Variants in TNFRSF11B observed in about 807,000 individuals in gnomAD.
TNFRSF11B encodes the protein TNF receptor superfamily member 11b.
TNFRSF11B carries 16 observed loss-of-function variants against 43.4 expected under a neutral mutation model. The observed-to-expected ratio is 0.37, with a 90% CI of 0.25 to 0.56. The LOEUF is 0.56. Among genes scored for constraint, TNFRSF11B ranks in the 20% least tolerant of loss-of-function variants. The probability of loss-of-function intolerance (pLI) is 0.80; values close to 1 mark genes in which losing one functional copy is unlikely to be tolerated. For synonymous variants in TNFRSF11B, 185 were observed against 181.8 expected (o/e 1.02, Z -0.14); for missense variants, 444 against 490.1 (o/e 0.91, Z 0.89).
chr8:118,931,240 A>G (rs1812324304), intron 2 of TNFRSF11B, among the ~76,000 whole-genome samples: 1 of 151,962 alleles, frequency 6.6e-6, no homozygotes, highest in African/African-American at 2.4e-5. Flanking sequence ...TGGGCTGGAA[A>G]CCTCTTATTT....
intron 1 of TNFRSF11B, among the ~76,000 whole-genome samples, chr8:118,949,191 T>A (rs1812606735): frequency 6.6e-6 from 1 of 152,064 alleles, no homozygotes; most frequent in African/African-American, 2.4e-5. Context: ...GCATACCCTT[T>A]GCACTCACAA....
chr8:118,950,852 G>C (rs532205315), intron 1 of TNFRSF11B, among the ~76,000 whole-genome samples: 54 of 152,080 alleles, frequency 3.6e-4, no homozygotes, highest in Non-Finnish European at 6.3e-4. Flanking sequence ...ATTATTTGTG[G>C]GTTGGAGGTT....
chr8:118,929,059 G>A, intron 2 of TNFRSF11B, 130 bp from the exon 3 acceptor site: 1 of 824,642 alleles, frequency 1.2e-6, no homozygotes, highest in Non-Finnish European at 2.0e-6. Context: ...CAAAACTCTA[G>A]CATTTTCATT....
intron 1 of TNFRSF11B, among the ~76,000 whole-genome samples, chr8:118,951,155 G>A (rs920890369): frequency 1.3e-5 from 2 of 151,974 alleles, no homozygotes; most frequent in African/African-American, 4.8e-5. Context: ...ATATGTTTTA[G>A]AACATAACAT....
chr8:118,951,124 T>C (rs1812637694), intron 1 of TNFRSF11B, among the ~76,000 whole-genome samples: 1 of 152,226 alleles, frequency 6.6e-6, no homozygotes, highest in Admixed American at 6.5e-5. Flanking sequence ...TAGCCCTATT[T>C]AGTGAACTTC....
chr8:118,941,564 C>T (rs1303224101), intron 1 of TNFRSF11B, among the ~76,000 whole-genome samples: 1 of 151,994 alleles, frequency 6.6e-6, no homozygotes, highest in Non-Finnish European at 1.5e-5. Flanking sequence ...TCAGAAGTTT[C>T]CTTTAGTTGT....
chr8:118,926,773 GTC>G (rs1812251366), intron 3 of TNFRSF11B, 55 bp from the exon 4 acceptor site: 1 of 1,490,778 alleles, frequency 6.7e-7, no homozygotes. Context: ...ATTTCTGAGA[GTC>G]TATTCAATAC....
intron 1 of TNFRSF11B, among the ~76,000 whole-genome samples, chr8:118,935,392 C>T (rs898694954): frequency 2.0e-5 from 3 of 152,152 alleles, no homozygotes; most frequent in Non-Finnish European, 2.9e-5. Flanking sequence ...ATACATAAAA[C>T]GCAAATGGTC....
At chr8:118,946,520 G>C (rs1030553549) in intron 1 of TNFRSF11B, among the ~76,000 whole-genome samples, 8 of 152,122 alleles carry the variant, frequency 5.3e-5, no homozygotes, top group Non-Finnish European at 1.0e-4. Context: ...TTCTAGCATA[G>C]ATAGTTTACG....
At chr8:118,940,088 C>A (rs1199256694) in intron 1 of TNFRSF11B, among the ~76,000 whole-genome samples, 1 of 152,122 alleles carries the variant, frequency 6.6e-6, no homozygotes, top group Non-Finnish European at 1.5e-5. Flanking sequence ...GGACAGAAAA[C>A]AAAACACCCC....
chr8:118,944,464 C>G (rs972662214), intron 1 of TNFRSF11B, among the ~76,000 whole-genome samples: 1 of 152,074 alleles, frequency 6.6e-6, no homozygotes, highest in Non-Finnish European at 1.5e-5. Flanking sequence ...CCATCCTCAC[C>G]AGGAGGCTAG....
intron 1 of TNFRSF11B, among the ~76,000 whole-genome samples, chr8:118,935,411 C>T (rs1339323368): frequency 2.0e-5 from 3 of 152,122 alleles, no homozygotes; most frequent in Non-Finnish European, 4.4e-5. Context: ...TCCTTGCCTT[C>T]AAGTTCATAC....
At chr8:118,932,867 TA>T in intron 2 of TNFRSF11B, 63 bp downstream of exon 2, 1 of 1,607,586 alleles carries the variant, frequency 6.2e-7, no homozygotes. Flanking sequence ...AGTGTTCTCC[TA>T]AACTGTCACA....
At chr8:118,940,483 A>G (rs1489867342) in intron 1 of TNFRSF11B, among the ~76,000 whole-genome samples, 1 of 152,188 alleles carries the variant, frequency 6.6e-6, no homozygotes, top group African/African-American at 2.4e-5. Flanking sequence ...CTTAGTAACC[A>G]TGATCCCACC....
At position 118,932,917 on chromosome 8, in the gene TNFRSF11B, A is replaced by T; in HGVS notation, c.400+14T>A. On this transcript the variant is annotated intron_variant, in intron 2 of 4. Transcript: ENST00000297350. ...GCATGATCCTAATTAATTTTGCTGCACATTGACACGTACCAGCTTGCACCA... is the reference window on the plus strand; with the variant it reads ...GCATGATCCTAATTAATTTTGCTGCTCATTGACACGTACCAGCTTGCACCA... The T allele has an allele frequency of 3.7e-6, 6 of 1,614,078 alleles. No individual in the cohort carries two copies. The highest frequency in any genetic ancestry group is 5.1e-6 in the Non-Finnish European group (6 of 1,180,032).
chr8:118,947,432 C>A (rs1812580945), intron 1 of TNFRSF11B, among the ~76,000 whole-genome samples: 1 of 152,086 alleles, frequency 6.6e-6, no homozygotes, highest in Non-Finnish European at 1.5e-5. Flanking sequence ...TGCAAAGAGC[C>A]CATACTTTGC....
chr8:118,949,768 A>G (rs1204612243), intron 1 of TNFRSF11B, among the ~76,000 whole-genome samples: 2 of 152,172 alleles, frequency 1.3e-5, no homozygotes, highest in Non-Finnish European at 2.9e-5. Flanking sequence ...CTTGCTTTTC[A>G]CACTGTCCTG....
chr8:118,947,310 T>G (rs1446057124), intron 1 of TNFRSF11B, among the ~76,000 whole-genome samples: 1 of 151,046 alleles, frequency 6.6e-6, no homozygotes, highest in African/African-American at 2.4e-5. Context: ...CAGTAGACGA[T>G]CCAACACCCT....
intron 1 of TNFRSF11B, among the ~76,000 whole-genome samples, chr8:118,942,412 G>T (rs1208754466): frequency 6.6e-6 from 1 of 151,946 alleles, no homozygotes; most frequent in Admixed American, 6.6e-5. Flanking sequence ...TATGACAATG[G>T]ACAGCTAGTG....
Sources: allele counts gnomAD v4.1 joint callset (sites outside exome capture counted in the v4.1 genomes callset), GRCh38; gene constraint gnomAD v4.1.1; transcripts MANE v1.5; gene names NCBI Gene and HGNC (gene_info 2026-07-23, HGNC 2026-07-21).